HOXA3: variants seen among roughly 807,000 people sequenced by gnomAD.
The protein encoded by HOXA3 is homeobox A3, also known as homeobox protein Hox-A3.
Under a neutral mutation model 30.3 loss-of-function variants are expected in HOXA3, and 8 were observed. The ratio of observed to expected loss-of-function variants is 0.26; its 90% CI spans 0.15 to 0.48. The LOEUF is 0.48. Ranked by LOEUF, HOXA3 falls within the 20% of genes least tolerant of loss-of-function variation. The probability of loss-of-function intolerance (pLI) is 0.99; values close to 1 mark genes in which losing one functional copy is unlikely to be tolerated. For synonymous variants in HOXA3, 323 were observed against 273.1 expected (o/e 1.18, Z -1.80); for missense variants, 653 against 614.4 (o/e 1.06, Z -0.66).
chr7:27,107,077 T>C lies in HOXA3; in HGVS notation c.*838A>G, dbSNP rs910434689. 6.6e-6 allele frequency: 1 copy of C among 152,640 alleles called. No individual in the cohort carries two copies. Among genetic ancestry groups the C allele is most frequent in the Non-Finnish European group, 1.5e-5 (1 of 68,034 alleles). 9.5% of individuals were successfully genotyped at this position (152,640 alleles called of 1,614,324 possible). A position where few individuals can be genotyped will look rare whatever the true frequency, so the allele number is the denominator to read the frequency against. On this transcript the variant is annotated 3_prime_UTR_variant, in exon 6 of 6. Transcript: ENST00000612286. ...GTGAGCAGCAAGGAATGAAGAACTC[T>C]CAAAACAAATCTAGTATTTTTCGCG...
At chr7:27,132,139 C>T (rs914761431) in intron 2 of HOXA3, among the ~76,000 whole-genome samples, 2 of 152,160 alleles carry the variant, frequency 1.3e-5, no homozygotes, top group East Asian at 1.9e-4. Flanking sequence ...TACTTTTCAG[C>T]CTAAATTAAA....
chr7:27,129,235 G>A, intron 2 of HOXA3: 2 of 1,518,318 alleles, frequency 1.3e-6, no homozygotes, highest in Non-Finnish European at 1.8e-6. Context: ...TTATATGGAG[G>A]AGGGAACGGG....
chr7:27,152,534 T>G lies in HOXA3; in HGVS notation c.-740A>C. On this transcript the variant is annotated 5_prime_UTR_variant, in exon 1 of 6. Transcript: ENST00000612286. The stretch of plus-strand genomic sequence containing the variant: ...CGGACAAAGCACAGCCGAGCCCGGC[T>G]GGAAGGCAGAGCTCCGAAGCAGGCA... 8.5e-7 allele frequency: 1 copy of G among 1,180,114 alleles called. No homozygotes were observed. The highest frequency in any genetic ancestry group is 1.1e-6 in the Non-Finnish European group (1 of 937,928). The allele number at this position is 1,180,114 out of a possible 1,614,324, so 73.1% of individuals were successfully genotyped here.
chr7:27,107,833 A>T lies in HOXA3; in HGVS notation c.*82T>A, dbSNP rs1207292707. 4.6e-4 allele frequency: 2 copies of T among 4,338 alleles called. No individual in the cohort carries two copies. Among genetic ancestry groups the T allele is most frequent in the African/African-American group, 1.2e-3 (1 of 854 alleles). The allele number at this position is 4,338 out of a possible 1,614,324, so 0.3% of individuals were successfully genotyped here. A position where few individuals can be genotyped will look rare whatever the true frequency, so the allele number is the denominator to read the frequency against. On this transcript the variant is annotated 3_prime_UTR_variant, in exon 6 of 6. Transcript: ENST00000612286. ...AGGAAGGAAAGGGCAGGAAGAACCTAAAAAAAAAAAAAAAAAAAAGCAACC... is the reference window on the plus strand; with the variant it reads ...AGGAAGGAAAGGGCAGGAAGAACCTTAAAAAAAAAAAAAAAAAAAGCAACC...
At chr7:27,149,559 G>A (rs964620980) in intron 1 of HOXA3, among the ~76,000 whole-genome samples, 1 of 152,224 alleles carries the variant, frequency 6.6e-6, no homozygotes, top group Non-Finnish European at 1.5e-5. Flanking sequence ...CCTGGAAGGC[G>A]GCTGCTAGCC....
chr7:27,130,039 C>G, intron 2 of HOXA3: 1 of 1,474,558 alleles, frequency 6.8e-7, no homozygotes, highest in Non-Finnish European at 9.1e-7. Context: ...TCCCCTGAGC[C>G]TCTCCCTCCT....
At chr7:27,144,082 C>A (rs1043182968) in intron 1 of HOXA3, among the ~76,000 whole-genome samples, 2 of 152,220 alleles carry the variant, frequency 1.3e-5, no homozygotes, top group South Asian at 4.1e-4. Context: ...GCGCGCCCGG[C>A]GAGGATGCAG....
At chr7:27,130,652 C>T (rs1182245838) in intron 2 of HOXA3, 8 of 1,603,024 alleles carry the variant, frequency 5.0e-6, no homozygotes, top group Non-Finnish European at 6.8e-6. Context: ...CCGCCCGAGC[C>T]GCTGTGCTGC....
intron 1 of HOXA3, chr7:27,141,113 C>A (rs76984887): frequency 7.0e-3 from 582 of 82,826 alleles, no homozygotes; most frequent in East Asian, 0.011. Flanking sequence ...AAAACAAATA[C>A]AAAAAAAAAA....
rs1043464795 is a variant in HOXA3, at chr7:27,108,765, G to A, written c.527-45C>T. On this transcript the variant is annotated intron_variant, in intron 5 of 5. Coordinates refer to ENST00000612286, the MANE Select transcript of HOXA3 (RefSeq NM_153631.3). This position sits in a 1 kb window ranked among gnomAD's most constrained non-coding sequence, Gnocchi z 5.0. ...AAGAGCGGCGTCAGGGGCTGCCGCGGCCCCGCCCAGCCCCTGACCCAGCCC... is the reference window on the plus strand; with the variant it reads ...AAGAGCGGCGTCAGGGGCTGCCGCGACCCCGCCCAGCCCCTGACCCAGCCC... The A allele has an allele frequency of 2.9e-5, 41 of 1,425,450 alleles. No homozygotes were observed. The highest frequency in any genetic ancestry group is 3.8e-5 in the Non-Finnish European group (40 of 1,059,818). The allele number at this position is 1,425,450 out of a possible 1,614,324, so 88.3% of individuals were successfully genotyped here. A position where few individuals can be genotyped will look rare whatever the true frequency, so the allele number is the denominator to read the frequency against.
chr7:27,108,594 C>A lies in HOXA3; in HGVS notation c.653G>T (p.Arg218Leu). 1 of 1,614,160 alleles carries A rather than the reference C, an allele frequency of 6.2e-7. No homozygotes were observed. Among genetic ancestry groups the A allele is most frequent in the Non-Finnish European group, 8.5e-7 (1 of 1,180,010 alleles). Reference sequence around the variant, plus strand: ...ATTGGCCATCTCCACCCGGCGCGGCCGGCACAGGTAGCGGTTGAAGTGGAA... The same window carrying A: ...ATTGGCCATCTCCACCCGGCGCGGCAGGCACAGGTAGCGGTTGAAGTGGAA... ...KEFHFNRYLC[R>L]PRRVEMANLL... The change falls in exon 6 of 6, where the codon CGG becomes CTG. Residue 218 changes from arginine (R) to leucine (L), a missense_variant. Arg to Leu is a moderately radical substitution (Grantham distance 102, BLOSUM62 -2). Coordinates refer to ENST00000612286, the MANE Select transcript of HOXA3 (RefSeq NM_153631.3). This position sits in a 1 kb window ranked among gnomAD's most constrained non-coding sequence, Gnocchi z 5.0.
Position 27,108,774 on chromosome 7 carries a change from A to G in HOXA3, c.527-54T>C. 3.8e-6 allele frequency: 5 copies of G among 1,314,274 alleles called. No individual in the cohort carries two copies. In the South Asian group the frequency reaches 5.5e-5, roughly 15 times the overall value. 81.4% of individuals were successfully genotyped at this position (1,314,274 alleles called of 1,614,324 possible). A position where few individuals can be genotyped will look rare whatever the true frequency, so the allele number is the denominator to read the frequency against. On this transcript the variant is annotated intron_variant, in intron 5 of 5. Transcript: ENST00000612286. This position sits in a 1 kb window ranked among gnomAD's most constrained non-coding sequence, Gnocchi z 5.0. ...GTCAGGGGCTGCCGCGGCCCCGCCC[A>G]GCCCCTGACCCAGCCCGGCCCCTCC...
intron 2 of HOXA3, chr7:27,130,501 G>A (rs1281038098): frequency 7.7e-7 from 1 of 1,290,880 alleles, no homozygotes. Flanking sequence ...CTCGCGGGCG[G>A]TCCGCGGCGC....
chr7:27,146,098 G>C (rs1782754070), intron 1 of HOXA3, among the ~76,000 whole-genome samples: 1 of 152,204 alleles, frequency 6.6e-6, no homozygotes, highest in African/African-American at 2.4e-5. Context: ...CAAGCGAGAT[G>C]TTTTCCACCT....
chr7:27,130,115 T>C, intron 2 of HOXA3: 6 of 1,594,182 alleles, frequency 3.8e-6, no homozygotes, highest in Non-Finnish European at 5.1e-6. Context: ...CGGCGCCACG[T>C]ACCGGCGCTG....
At chr7:27,145,895 C>G in intron 1 of HOXA3, 1 of 1,613,236 alleles carries the variant, frequency 6.2e-7, no homozygotes, top group Non-Finnish European at 8.5e-7. Flanking sequence ...GGCCTCGGCG[C>G]CCATGGCTCC....
In HOXA3 at chr7:27,130,455, A is replaced by T. The variant is rs190762351; in HGVS notation, c.-389-3385T>A. On this transcript the variant is annotated intron_variant, in intron 2 of 5. Coordinates refer to ENST00000612286, the MANE Select transcript of HOXA3 (RefSeq NM_153631.3). The stretch of plus-strand genomic sequence containing the variant: ...AGGGGTAGGCGGTGTCCGCGGCCCC[A>T]TGCGCGGGGTACAGCGCGGCAGCAG... 14 of 1,224,614 alleles carry T rather than the reference A, an allele frequency of 1.1e-5. No homozygotes were observed. The South Asian group carries it at 4.6e-4, about 41-fold the overall frequency. The allele number at this position is 1,224,614 out of a possible 1,614,324, so 75.9% of individuals were successfully genotyped here.
At chr7:27,111,131 T>G (rs957106660) in intron 4 of HOXA3, among the ~76,000 whole-genome samples, 5 of 152,180 alleles carry the variant, frequency 3.3e-5, no homozygotes, top group Non-Finnish European at 7.3e-5. Flanking sequence ...TTCTGCTCCT[T>G]GGCCTCCTCC....
At chr7:27,141,526 GT>G (rs5883063) in intron 1 of HOXA3, 12 of 216,410 alleles carry the variant, frequency 5.5e-5, no homozygotes, top group African/African-American at 1.6e-4. Context: ...CTTTTTGTGT[GT>G]TTTTTTTTCT....
Sources: allele counts gnomAD v4.1 joint callset (sites outside exome capture counted in the v4.1 genomes callset), GRCh38; gene constraint gnomAD v4.1.1; non-coding constraint Gnocchi (gnomAD v3.1); transcripts MANE v1.5; gene names NCBI Gene and HGNC (gene_info 2026-07-23, HGNC 2026-07-21).